SHTN1: variants seen among roughly 807,000 people sequenced by gnomAD.
SHTN1 encodes the protein shootin 1, also known as shootin-1.
SHTN1 carries 42 observed loss-of-function variants against 83.1 expected under a neutral mutation model. The ratio of observed to expected loss-of-function variants is 0.51; its 90% CI spans 0.39 to 0.65. The LOEUF (loss-of-function observed/expected upper bound fraction) is 0.65. SHTN1 is among the 30% of genes least tolerant of loss of function. The pLI is 0.00. For missense variants in SHTN1, 622 were observed against 737.8 expected (o/e 0.84, Z 1.82); for synonymous variants, 224 against 247.7 (o/e 0.90, Z 0.90).
chr10:117,013,086 T>C (rs1277856188), intron 2 of SHTN1, among the ~76,000 whole-genome samples: 1 of 152,014 alleles, frequency 6.6e-6, no homozygotes, highest in Non-Finnish European at 1.5e-5. Context: ...CTATATAAAT[T>C]TTTTTAAAAA....
intron 1 of SHTN1, among the ~76,000 whole-genome samples, chr10:116,981,673 T>C (rs11819524): frequency 0.014 from 2,091 of 152,306 alleles, 34 homozygotes; most frequent in African/African-American, 0.041. Flanking sequence ...AAAGTATCTA[T>C]AGATGAAGTT....
intron 1 of SHTN1, among the ~76,000 whole-genome samples, chr10:117,051,747 A>T (rs1425035281): frequency 6.6e-6 from 1 of 151,768 alleles, no homozygotes; most frequent in African/African-American, 2.4e-5. Context: ...TATTCTAGTG[A>T]TAACAGGGAA....
chr10:117,118,790 G>A (rs376123050), intron 1 of SHTN1, among the ~76,000 whole-genome samples: 11 of 152,252 alleles, frequency 7.2e-5, no homozygotes, highest in East Asian at 3.9e-4. Flanking sequence ...GATGGGTCTG[G>A]GAGGAGGGAG....
chr10:117,045,383 C>T (rs897275475), intron 2 of SHTN1, among the ~76,000 whole-genome samples: 2 of 152,108 alleles, frequency 1.3e-5, no homozygotes, highest in African/African-American at 4.8e-5. Context: ...CACAGGCTCA[C>T]GAAAAAGCTG....
chr10:117,022,179 T>A (rs952659097), intron 2 of SHTN1, among the ~76,000 whole-genome samples: 2 of 152,176 alleles, frequency 1.3e-5, no homozygotes, highest in Admixed American at 1.3e-4. Context: ...AATAAAATAC[T>A]AATCAAAAAT....
At chr10:116,942,400 ATGGGGTTTCACTATG>A (rs1420280480) in intron 8 of SHTN1, among the ~76,000 whole-genome samples, 2 of 151,950 alleles carry the variant, frequency 1.3e-5, no homozygotes, top group African/African-American at 4.8e-5. Context: ...TTTAGTAGAG[ATGGGGTTTCACTATG>A]TTGGCCAGGT....
At chr10:117,031,689 G>A (rs1037997494) in intron 2 of SHTN1, among the ~76,000 whole-genome samples, 3 of 152,036 alleles carry the variant, frequency 2.0e-5, no homozygotes, top group Non-Finnish European at 2.9e-5. Context: ...TTAAAACAAT[G>A]GGTATTAAGA....
intron 10 of SHTN1, among the ~76,000 whole-genome samples, chr10:116,929,106 A>T (rs1236120816): frequency 6.6e-6 from 1 of 152,240 alleles, no homozygotes; most frequent in African/African-American, 2.4e-5. Flanking sequence ...AAAAAGGCCT[A>T]CATGGTTCTT....
At chr10:116,994,045 ATGGAATGCTGGTTCAAAAT>A (rs1453297129) in intron 1 of SHTN1, among the ~76,000 whole-genome samples, 1 of 152,130 alleles carries the variant, frequency 6.6e-6, no homozygotes, top group Non-Finnish European at 1.5e-5. Flanking sequence ...GTATTAGTCT[ATGGAATGCTGGTTCAAAAT>A]TGCTAAGGAT....
chr10:116,998,091 C>CA (rs1185321502), intron 1 of SHTN1, among the ~76,000 whole-genome samples: 18 of 148,886 alleles, frequency 1.2e-4, no homozygotes, highest in East Asian at 5.9e-4. Flanking sequence ...GACTCTGTCT[C>CA]AAAAAAAAAG....
At chr10:117,037,222 G>A (rs560385106) in intron 2 of SHTN1, among the ~76,000 whole-genome samples, 2 of 152,206 alleles carry the variant, frequency 1.3e-5, no homozygotes, top group South Asian at 4.1e-4. Flanking sequence ...AGGATTGCTT[G>A]AGCCTAGGAG....
At chr10:116,965,835 T>C (rs143893957) in intron 3 of SHTN1, among the ~76,000 whole-genome samples, 143 of 152,314 alleles carry the variant, frequency 9.4e-4, no homozygotes, top group African/African-American at 3.3e-3. Flanking sequence ...ATACCAATTT[T>C]ATTAACGCAG....
chr10:117,035,025 A>G (rs1218118130), intron 2 of SHTN1, among the ~76,000 whole-genome samples: 1 of 152,378 alleles, frequency 6.6e-6, no homozygotes, highest in African/African-American at 2.4e-5. Flanking sequence ...AGCCAAAGCT[A>G]TCCTAAGCTA....
chr10:117,030,872 T>A (rs1240792284), intron 2 of SHTN1, among the ~76,000 whole-genome samples: 1 of 151,900 alleles, frequency 6.6e-6, no homozygotes, highest in East Asian at 1.9e-4. Flanking sequence ...GAAAATAGCC[T>A]CAAAAGGGCA....
At chr10:117,078,723 G>A (rs1307037590) in intron 1 of SHTN1, among the ~76,000 whole-genome samples, 4 of 152,106 alleles carry the variant, frequency 2.6e-5, no homozygotes, top group Non-Finnish European at 4.4e-5. Context: ...AGAAACAAAG[G>A]AAGAAATGAA....
At chr10:116,897,449 C>T (rs962738749) in intron 16 of SHTN1, among the ~76,000 whole-genome samples, 2 of 152,078 alleles carry the variant, frequency 1.3e-5, no homozygotes, top group African/African-American at 4.8e-5. Context: ...AGTATGTAAT[C>T]TACTTGCCTC....
chr10:116,921,528 A>G lies in SHTN1; in HGVS notation c.1113-12T>C. 6.2e-7 allele frequency: 1 copy of G among 1,604,998 alleles called. No homozygotes were observed. On this transcript the variant is annotated splice_polypyrimidine_tract_variant and intron_variant, in intron 11 of 16. Coordinates refer to ENST00000355371, the MANE Select transcript of SHTN1 (RefSeq NM_001127211.3). ...TGGACATGAGGGATCTTTGGGAGAAAGAAAAAGATCAACAGGAGATTACTG... is the reference window on the plus strand; with the variant it reads ...TGGACATGAGGGATCTTTGGGAGAAGGAAAAAGATCAACAGGAGATTACTG...
chr10:116,935,359 G>C (rs1425661699), intron 9 of SHTN1, among the ~76,000 whole-genome samples: 9 of 152,180 alleles, frequency 5.9e-5, no homozygotes, highest in Admixed American at 5.9e-4. Flanking sequence ...AGTTTACTAA[G>C]ACTTTTTAGC....
chr10:116,897,794 T>C (rs971790310), intron 16 of SHTN1, among the ~76,000 whole-genome samples: 8 of 152,174 alleles, frequency 5.3e-5, no homozygotes, highest in African/African-American at 9.7e-5. Flanking sequence ...CCCTACTCTG[T>C]CTGACTTTAG....
Sources: allele counts gnomAD v4.1 joint callset (sites outside exome capture counted in the v4.1 genomes callset), GRCh38; gene constraint gnomAD v4.1.1; transcripts MANE v1.5; gene names NCBI Gene and HGNC (gene_info 2026-07-23, HGNC 2026-07-21).